PCSK5: variants seen among roughly 807,000 people sequenced by gnomAD.
PCSK5 encodes proprotein convertase subtilisin/kexin type 5, also known as prohormone convertase 5.
PCSK5 carries 129 observed loss-of-function variants against 233.2 expected under a neutral mutation model. That is an observed-to-expected ratio of 0.55 (90% CI 0.48 to 0.64). The LOEUF (loss-of-function observed/expected upper bound fraction) is 0.64, where lower values mean the gene tolerates loss of function less well. PCSK5 is among the 30% of genes least tolerant of loss of function. PCSK5 has a pLI of 0.00. For missense variants in PCSK5, 2,076 were observed against 2,430.1 expected, an observed-to-expected ratio of 0.85 and a Z score of 3.06; for synonymous variants, 825 against 879.2, an observed-to-expected ratio of 0.94 and a Z score of 1.09.
intron 24 of PCSK5, among the ~76,000 whole-genome samples, chr9:76,263,462 G>C (rs1170528890): frequency 1.3e-5 from 2 of 152,156 alleles, no homozygotes; most frequent in Non-Finnish European, 2.9e-5. Context: ...AAAATGACGA[G>C]TTCGTGTCCT....
At position 76,359,775 on chromosome 9, in the gene PCSK5, T is replaced by A. The variant is rs975104862; in HGVS notation, c.*853T>A. 1 of 152,052 alleles carries A rather than the reference T, an allele frequency of 6.6e-6. No homozygotes were observed. Among genetic ancestry groups the A allele is most frequent in the African/African-American group, 2.4e-5 (1 of 41,394 alleles). 9.4% of individuals were successfully genotyped at this position (152,052 alleles called of 1,614,324 possible). A position where few individuals can be genotyped will look rare whatever the true frequency, so the allele number is the denominator to read the frequency against. On this transcript the variant is annotated 3_prime_UTR_variant, in exon 38 of 38. Coordinates refer to ENST00000674117, the MANE Select transcript of PCSK5 (RefSeq NM_001372043.1). ...AGTGTTAACCTAACATAAAATGGAA[T>A]AAAATGACAAACACTTCATCCGCTC...
intron 20 of PCSK5, among the ~76,000 whole-genome samples, chr9:76,226,769 C>T (rs1476407355): frequency 2.6e-5 from 4 of 152,224 alleles, no homozygotes; most frequent in African/African-American, 9.6e-5. Context: ...AGTAGAGGCC[C>T]ATCTTTGAGT....
At chr9:75,949,789 G>A (rs189890852) in intron 2 of PCSK5, among the ~76,000 whole-genome samples, 21 of 152,226 alleles carry the variant, frequency 1.4e-4, no homozygotes, top group Admixed American at 3.9e-4. Flanking sequence ...CTCCCAAAAT[G>A]TTGGGATTAC....
chr9:76,289,109 G>C (rs960233998), intron 24 of PCSK5, among the ~76,000 whole-genome samples: 1 of 152,140 alleles, frequency 6.6e-6, no homozygotes, highest in Non-Finnish European at 1.5e-5. Context: ...TCTCAAGAGA[G>C]AGCGGACTTT....
intron 24 of PCSK5, among the ~76,000 whole-genome samples, chr9:76,249,622 G>A (rs1826737275): frequency 6.6e-6 from 1 of 152,196 alleles, no homozygotes; most frequent in Admixed American, 6.5e-5. Flanking sequence ...GCTCCTTAGA[G>A]AATTGGCTGA....
chr9:75,996,345 T>C (rs1437061453), intron 3 of PCSK5, among the ~76,000 whole-genome samples: 1 of 152,192 alleles, frequency 6.6e-6, no homozygotes, highest in Non-Finnish European at 1.5e-5. Flanking sequence ...GCAATGACCA[T>C]GTTGCCTTCT....
chr9:75,918,335 T>C (rs1415892558), intron 1 of PCSK5, among the ~76,000 whole-genome samples: 2 of 152,316 alleles, frequency 1.3e-5, no homozygotes, highest in East Asian at 3.9e-4. Flanking sequence ...ACCTCTTGGA[T>C]TGAGCTGGCT....
chr9:76,210,769 A>G (rs750451870), intron 20 of PCSK5, among the ~76,000 whole-genome samples: 3 of 152,208 alleles, frequency 2.0e-5, no homozygotes, highest in Non-Finnish European at 2.9e-5. Context: ...CAGGAGACCA[A>G]TTAGGAAGAT....
intron 20 of PCSK5, chr9:76,193,402 A>G: frequency 2.0e-6 from 2 of 1,017,644 alleles, no homozygotes; most frequent in Non-Finnish European, 2.5e-6. Flanking sequence ...ATTATTCCAT[A>G]TTATTAAAAA....
intron 5 of PCSK5, among the ~76,000 whole-genome samples, chr9:76,041,743 G>T (rs1393811447): frequency 1.3e-5 from 2 of 151,386 alleles, no homozygotes; most frequent in African/African-American, 4.9e-5. Flanking sequence ...GGAGGCTGAG[G>T]CAGGAGAATC....
At chr9:76,027,082 C>A in intron 5 of PCSK5, 45 bp downstream of exon 5, 2 of 1,253,540 alleles carry the variant, frequency 1.6e-6, no homozygotes, top group Non-Finnish European at 2.3e-6. Context: ...TGGCAAGGAG[C>A]TTTGTTTTCT....
At chr9:75,959,500 T>A (rs929713990) in intron 2 of PCSK5, among the ~76,000 whole-genome samples, 3 of 152,178 alleles carry the variant, frequency 2.0e-5, no homozygotes, top group Non-Finnish European at 4.4e-5. Flanking sequence ...ATGCTCTTAC[T>A]AAAAGAGGAT....
At chr9:76,175,412 T>C (rs1823567738) in intron 14 of PCSK5, 1 of 436,712 alleles carries the variant, frequency 2.3e-6, no homozygotes, top group South Asian at 7.2e-5. Context: ...TGCACTCATA[T>C]ATTCAAATAT....
intron 7 of PCSK5, among the ~76,000 whole-genome samples, chr9:76,082,701 G>A (rs1408713088): frequency 1.3e-5 from 2 of 151,764 alleles, no homozygotes; most frequent in African/African-American, 4.8e-5. Context: ...AGTTGCCTTG[G>A]AATCATCTTT....
At chr9:76,240,779 C>A in intron 24 of PCSK5, 95 bp downstream of exon 24, 2 of 826,894 alleles carry the variant, frequency 2.4e-6, no homozygotes, top group South Asian at 1.5e-5. Flanking sequence ...GCACTCTTGT[C>A]ATTGCTGTCA....
intron 5 of PCSK5, among the ~76,000 whole-genome samples, chr9:76,043,355 A>G (rs1356782638): frequency 1.3e-5 from 2 of 151,334 alleles, no homozygotes; most frequent in African/African-American, 4.9e-5. Flanking sequence ...AAAAAAAAAA[A>G]AAGTATTTTC....
chr9:76,244,811 G>A (rs1031668805), intron 24 of PCSK5, among the ~76,000 whole-genome samples: 2 of 152,088 alleles, frequency 1.3e-5, no homozygotes, highest in East Asian at 1.9e-4. Flanking sequence ...ACTTTGAGAC[G>A]AAATAAGGAT....
At chr9:76,055,405 A>G (rs1829784856) in intron 5 of PCSK5, among the ~76,000 whole-genome samples, 1 of 152,052 alleles carries the variant, frequency 6.6e-6, no homozygotes, top group African/African-American at 2.4e-5. Flanking sequence ...TTACTTCTTA[A>G]ATTTTTAAAT....
At chr9:75,942,444 T>C (rs1374665320) in intron 2 of PCSK5, among the ~76,000 whole-genome samples, 1 of 152,206 alleles carries the variant, frequency 6.6e-6, no homozygotes, top group East Asian at 1.9e-4. Flanking sequence ...GGCCACACAA[T>C]ATTAGTTCTG....
Sources: allele counts gnomAD v4.1 joint callset (sites outside exome capture counted in the v4.1 genomes callset), GRCh38; gene constraint gnomAD v4.1.1; transcripts MANE v1.5; gene names NCBI Gene and HGNC (gene_info 2026-07-23, HGNC 2026-07-21).